The following LRMDA variants were observed in gnomAD, a reference collection of about 807,000 sequenced individuals.
LRMDA encodes leucine rich melanocyte differentiation associated.
A neutral mutation model predicts 29.8 loss-of-function variants in LRMDA; 18 were observed. The observed-to-expected ratio is 0.60, with a 90% CI of 0.42 to 0.90. LRMDA has a LOEUF of 0.90. LRMDA is among the 40% of genes least tolerant of loss of function. The pLI is 0.00. For synonymous variants in LRMDA, 125 were observed against 109.4 expected, an observed-to-expected ratio of 1.14 and a Z score of -0.89; for missense variants, 273 against 273.9, an observed-to-expected ratio of 1.00 and a Z score of 0.02.
rs559832400 is a variant in LRMDA at position 76,112,144 on chromosome 10, C to CTGA, written c.516+53363_516+53364insATG. 2.8e-3 allele frequency among the ~76,000 whole-genome samples: 430 copies of CTGA among 152,284 alleles called. 3 individuals are homozygous for CTGA. The highest frequency in any genetic ancestry group is 6.8e-3 in the Middle Eastern group (2 of 294). Reference sequence around the variant, plus strand: ...GCGAGCAAGGGAGCAGGAGGAGGGGCTGGCAGCCTGGAGGAGCTGGCGGGA... The same window carrying CTGA: ...GCGAGCAAGGGAGCAGGAGGAGGGGCTGATGGCAGCCTGGAGGAGCTGGCGGGA... On this transcript the variant is annotated intron_variant, in intron 5 of 6. Coordinates refer to ENST00000611255, the MANE Select transcript of LRMDA (RefSeq NM_001305581.2).
At chr10:76,214,330 A>T (rs1358554700) in intron 5 of LRMDA, among the ~76,000 whole-genome samples, 9 of 87,244 alleles carry the variant, frequency 1.0e-4, no homozygotes, top group Admixed American at 3.0e-4. Flanking sequence ...CTTGAACCAA[A>T]TTTTTTTTTT....
intron 2 of LRMDA, among the ~76,000 whole-genome samples, chr10:75,899,365 T>C (rs753462253): frequency 5.3e-5 from 8 of 152,244 alleles, no homozygotes; most frequent in Non-Finnish European, 8.8e-5. Flanking sequence ...GAATCATTTC[T>C]ATGAAATGCG....
intron 2 of LRMDA, among the ~76,000 whole-genome samples, chr10:75,858,145 G>GC (rs889072306): frequency 3.9e-5 from 6 of 151,948 alleles, no homozygotes; most frequent in African/African-American, 7.3e-5. Context: ...AGATTCTGAG[G>GC]CCCCCCCGTA....
At chr10:75,950,256 A>G (rs1378858277) in intron 2 of LRMDA, among the ~76,000 whole-genome samples, 1 of 152,200 alleles carries the variant, frequency 6.6e-6, no homozygotes, top group Non-Finnish European at 1.5e-5. Flanking sequence ...GCCACTGCCC[A>G]GGGCCAATGG....
chr10:76,284,673 T>G (rs965852434), intron 5 of LRMDA, among the ~76,000 whole-genome samples: 1 of 152,208 alleles, frequency 6.6e-6, no homozygotes, highest in African/African-American at 2.4e-5. Flanking sequence ...ATGGTTTGAC[T>G]GTGTCCCACC....
chr10:75,449,709 A>G (rs772370710), intron 2 of LRMDA, among the ~76,000 whole-genome samples: 1 of 152,072 alleles, frequency 6.6e-6, no homozygotes, highest in East Asian at 1.9e-4. Context: ...GCAGGACCTC[A>G]TGAGGCCTGG....
chr10:75,873,319 T>C (rs1319865821), intron 2 of LRMDA, among the ~76,000 whole-genome samples: 1 of 152,256 alleles, frequency 6.6e-6, no homozygotes, highest in Non-Finnish European at 1.5e-5. Context: ...TAATTCAGTC[T>C]GGAAAAACAG....
chr10:75,822,835 C>T (rs1179366402), intron 2 of LRMDA, among the ~76,000 whole-genome samples: 1 of 152,080 alleles, frequency 6.6e-6, no homozygotes, highest in South Asian at 2.1e-4. Context: ...AGTTCTCCAG[C>T]CTCAGACTCC....
chr10:76,065,315 G>A (rs539828268), intron 5 of LRMDA, among the ~76,000 whole-genome samples: 4 of 152,344 alleles, frequency 2.6e-5, no homozygotes, highest in South Asian at 4.1e-4. Flanking sequence ...CTGCAGGAAA[G>A]CCATGTCTCT....
chr10:76,480,785 TA>T (rs1432052599), intron 6 of LRMDA, among the ~76,000 whole-genome samples: 1 of 151,974 alleles, frequency 6.6e-6, no homozygotes, highest in Non-Finnish European at 1.5e-5. Context: ...TAACTCAACA[TA>T]GAGGTGTCCT....
intron 2 of LRMDA, among the ~76,000 whole-genome samples, chr10:75,738,819 G>T (rs1404133067): frequency 2.0e-5 from 3 of 152,142 alleles, no homozygotes; most frequent in African/African-American, 7.2e-5. Flanking sequence ...TCACGTTGTG[G>T]TTTTTCCCTT....
At chr10:76,191,768 G>A (rs897404729) in intron 5 of LRMDA, among the ~76,000 whole-genome samples, 2 of 152,148 alleles carry the variant, frequency 1.3e-5, no homozygotes, top group Admixed American at 6.6e-5. Context: ...TGACTCTTTC[G>A]ATTACCTTGC....
chr10:76,141,825 T>C (rs1850206684), intron 5 of LRMDA, among the ~76,000 whole-genome samples: 1 of 152,110 alleles, frequency 6.6e-6, no homozygotes, highest in East Asian at 1.9e-4. Context: ...TTTTTGCTTT[T>C]TATCATCAAC....
chr10:75,996,694 C>T (rs547773222), intron 2 of LRMDA, among the ~76,000 whole-genome samples: 4 of 151,306 alleles, frequency 2.6e-5, no homozygotes, highest in African/African-American at 7.3e-5. Context: ...GCAGGAAGGA[C>T]TATGATTTCT....
chr10:75,953,455 C>T lies in LRMDA; in HGVS notation c.132-82553C>T, dbSNP rs185688635. On this transcript the variant is annotated intron_variant, in intron 2 of 6. Coordinates refer to ENST00000611255, the MANE Select transcript of LRMDA (RefSeq NM_001305581.2). ...GAGGCTGAGTGGGTAATACCAGCTTCCTGTTCAGATATGTGGGGCCCTGTT... is the reference window on the plus strand; with the variant it reads ...GAGGCTGAGTGGGTAATACCAGCTTTCTGTTCAGATATGTGGGGCCCTGTT... Among the ~76,000 whole-genome samples, 505 of 152,230 alleles carry T rather than the reference C, an allele frequency of 3.3e-3. 1 individual carries two copies. The highest frequency in any genetic ancestry group is 0.014 in the Middle Eastern group (4 of 294).
At chr10:75,549,070 C>T (rs1179686090) in intron 2 of LRMDA, among the ~76,000 whole-genome samples, 1 of 151,946 alleles carries the variant, frequency 6.6e-6, no homozygotes, top group Non-Finnish European at 1.5e-5. Context: ...CAGTATTCAC[C>T]CTTTTGTGTG....
intron 5 of LRMDA, among the ~76,000 whole-genome samples, chr10:76,069,410 T>A (rs1319606779): frequency 2.0e-5 from 3 of 152,242 alleles, no homozygotes; most frequent in Non-Finnish European, 4.4e-5. Flanking sequence ...GATGTTAATT[T>A]AGCTAAGTTC....
intron 2 of LRMDA, among the ~76,000 whole-genome samples, chr10:75,891,713 G>A (rs1845495424): frequency 6.6e-6 from 1 of 152,154 alleles, no homozygotes; most frequent in African/African-American, 2.4e-5. Context: ...TGGGGGTAGT[G>A]GGACATGGTC....
At chr10:76,191,786 A>C (rs1390544410) in intron 5 of LRMDA, among the ~76,000 whole-genome samples, 1 of 152,214 alleles carries the variant, frequency 6.6e-6, no homozygotes, top group Non-Finnish European at 1.5e-5. Flanking sequence ...TGCAAAGGGC[A>C]TGAGATTATT....
Sources: allele counts gnomAD v4.1 joint callset (sites outside exome capture counted in the v4.1 genomes callset), GRCh38; gene constraint gnomAD v4.1.1; transcripts MANE v1.5; gene names NCBI Gene and HGNC (gene_info 2026-07-23, HGNC 2026-07-21).